The following SULT2B1 variants were observed in gnomAD, a reference collection of about 807,000 sequenced individuals.
SULT2B1 encodes sulfotransferase 2B1.
SULT2B1 carries 16 observed loss-of-function variants against 33.2 expected under a neutral mutation model. The observed-to-expected ratio is 0.48, with a 90% CI of 0.33 to 0.73. SULT2B1 has a LOEUF of 0.73. Among genes scored for constraint, SULT2B1 ranks in the 30% least tolerant of loss-of-function variants. The pLI, the probability that SULT2B1 is intolerant of heterozygous loss-of-function variation, is 0.02. For synonymous variants in SULT2B1, 186 were observed against 200.5 expected (o/e 0.93, Z 0.61); for missense variants, 500 against 506.0 (o/e 0.99, Z 0.11).
Position 48,568,514 on chromosome 19 carries a change from C to T in SULT2B1, c.72-7427C>T, listed in dbSNP as rs192191912. Among the ~76,000 whole-genome samples the T allele has an allele frequency of 4.1e-3, 626 of 152,176 alleles. 12 individuals carry two copies. The highest frequency in any genetic ancestry group is 0.028 in the Admixed American group (431 of 15,252). On this transcript the variant is annotated intron_variant, in intron 1 of 6. Coordinates refer to ENST00000201586, the MANE Select transcript of SULT2B1 (RefSeq NM_177973.2). ...CACTCCTGCCAAGAGAGTATCTCTG[C>T]GCCACGGCCAAGGGTGAGTCATCCT...
rs1194058684 is a variant in SULT2B1, at chr19:48,576,356, TC to T, written c.214+274del. Among the ~76,000 whole-genome samples the T allele has an allele frequency of 5.2e-4, 37 of 70,852 alleles. 4 individuals are homozygous for T. Among genetic ancestry groups the T allele is most frequent in the East Asian group, 1.5e-3 (4 of 2,682 alleles). 46.5% of individuals were successfully genotyped at this position (70,852 alleles called of 152,430 possible). A position where few individuals can be genotyped will look rare whatever the true frequency, so the allele number is the denominator to read the frequency against. ...CTCCCTTTCCCCTTTACCCTCTACTTCTCTTTTTTTTTTTTTTTTTTGTAGA... is the reference window on the plus strand; with the variant it reads ...CTCCCTTTCCCCTTTACCCTCTACTTTCTTTTTTTTTTTTTTTTTTGTAGA... On this transcript the variant is annotated intron_variant, in intron 2 of 6. Transcript: ENST00000201586.
At chr19:48,553,360 T>C (rs1973052527) in intron 1 of SULT2B1, among the ~76,000 whole-genome samples, 1 of 152,092 alleles carries the variant, frequency 6.6e-6, no homozygotes, top group African/African-American at 2.4e-5. Flanking sequence ...CAGGCTGGAG[T>C]GCAATGGCAC....
chr19:48,579,557 C>CAGGCACGA (rs1973456996), intron 2 of SULT2B1, among the ~76,000 whole-genome samples: 1 of 150,952 alleles, frequency 6.6e-6, no homozygotes, highest in African/African-American at 2.4e-5. Flanking sequence ...GCTGGGATTA[C>CAGGCACGA]AGGCACGAGC....
At chr19:48,553,013 C>G (rs777056810) in intron 1 of SULT2B1, among the ~76,000 whole-genome samples, 23 of 152,120 alleles carry the variant, frequency 1.5e-4, no homozygotes, top group Admixed American at 9.2e-4. Flanking sequence ...AATCTGAACC[C>G]GGTCTGTCTC....
intron 1 of SULT2B1, among the ~76,000 whole-genome samples, chr19:48,572,598 A>T (rs578133821): frequency 6.6e-6 from 1 of 152,220 alleles, no homozygotes; most frequent in South Asian, 2.1e-4. Flanking sequence ...AGAGTGGAAA[A>T]TGGGCGTGCC....
At chr19:48,578,982 C>G (rs904654701) in intron 2 of SULT2B1, among the ~76,000 whole-genome samples, 1 of 152,072 alleles carries the variant, frequency 6.6e-6, no homozygotes, top group Admixed American at 6.6e-5. Flanking sequence ...CCCCTCCCCC[C>G]TGGGCCCTGG....
chr19:48,559,297 G>A (rs1973144739), intron 1 of SULT2B1, among the ~76,000 whole-genome samples: 1 of 152,134 alleles, frequency 6.6e-6, no homozygotes, highest in Non-Finnish European at 1.5e-5. Flanking sequence ...GACTGGCAGA[G>A]GAAAGGTTGG....
Position 48,587,457 on chromosome 19 carries a change from G to A in SULT2B1, c.423+20G>A. On this transcript the variant is annotated intron_variant, in intron 3 of 6. Transcript: ENST00000201586. ...GCCAAGGTTGGGAGGAGGGGTGTGT[G>A]TCAGTTGGGAGGGGCTGCATGGGTG... is the stretch of plus-strand genomic sequence containing the variant. 1 of 1,613,868 alleles carries A rather than the reference G, an allele frequency of 6.2e-7. No individual in the cohort carries two copies. The highest frequency in any genetic ancestry group is 8.5e-7 in the Non-Finnish European group (1 of 1,179,790).
intron 6 of SULT2B1, 135 bp from the exon 7 acceptor site, chr19:48,599,000 A>C: frequency 1.4e-6 from 2 of 1,428,772 alleles, no homozygotes; most frequent in Non-Finnish European, 1.9e-6. Flanking sequence ...TGTGGAGGGT[A>C]GGGAGGACGG....
intron 2 of SULT2B1, among the ~76,000 whole-genome samples, chr19:48,578,312 T>C (rs1973441027): frequency 6.6e-6 from 1 of 152,134 alleles, no homozygotes; most frequent in African/African-American, 2.4e-5. Context: ...CCGAGCACAG[T>C]GGCTCACACC....
At chr19:48,585,684 TG>T (rs1973551698) in intron 2 of SULT2B1, among the ~76,000 whole-genome samples, 1 of 145,396 alleles carries the variant, frequency 6.9e-6, no homozygotes, top group African/African-American at 2.6e-5. Context: ...AGAAAAAAAG[TG>T]GGGGTAGGGG....
chr19:48,591,408 T>G, intron 3 of SULT2B1: 1 of 435,654 alleles, frequency 2.3e-6, no homozygotes, highest in Non-Finnish European at 4.0e-6. Context: ...GAGGCAGAGG[T>G]TGCAATGAGC....
intron 2 of SULT2B1, among the ~76,000 whole-genome samples, chr19:48,584,343 G>C (rs1182926321): frequency 2.0e-5 from 3 of 152,274 alleles, no homozygotes; most frequent in South Asian, 4.1e-4. Flanking sequence ...AGGGGGAGGG[G>C]TAAACGTCAC....
At position 48,587,394 on chromosome 19, in the gene SULT2B1, C is replaced by T. The variant is rs1973578639; in HGVS notation, c.380C>T (p.Pro127Leu). The T allele has an allele frequency of 6.2e-7, 1 of 1,613,974 alleles. No individual in the cohort carries two copies. The highest frequency in any genetic ancestry group is 1.7e-5 in the Admixed American group (1 of 59,966). Reference protein sequence around the residue: ...YSPRLMSSHLPIQIFTKAFFS... With the variant: ...YSPRLMSSHLLIQIFTKAFFS... ...CCCCGCCTCATGAGCTCCCATCTTC[C>T]CATCCAGATCTTCACCAAGGCCTTC... The change falls in exon 3 of 7, where the codon CCC (proline) becomes CTC (leucine). Residue 127 changes from proline to leucine, a missense_variant. Physicochemically the swap from Pro to Leu is moderately conservative, Grantham distance 98. Coordinates refer to ENST00000201586, the MANE Select transcript of SULT2B1 (RefSeq NM_177973.2).
At position 48,560,143 on chromosome 19, in the gene SULT2B1, C is replaced by T. The variant is rs574185807; in HGVS notation, c.71+7820C>T. Reference sequence around the variant, plus strand: ...GGGCCTGACCTGGGCTCGCAGCTGACTCAGCATTTGTGCTGTTTCTCTCTT... The same window carrying T: ...GGGCCTGACCTGGGCTCGCAGCTGATTCAGCATTTGTGCTGTTTCTCTCTT... On this transcript the variant is annotated intron_variant, in intron 1 of 6. Transcript: ENST00000201586. Among the ~76,000 whole-genome samples, 7 of 152,222 alleles carry T rather than the reference C, an allele frequency of 4.6e-5. No individual in the cohort carries two copies. In the South Asian group the frequency reaches 1.5e-3, roughly 32 times the overall value.
chr19:48,569,297 G>T (rs1268586814), intron 1 of SULT2B1, among the ~76,000 whole-genome samples: 1 of 146,606 alleles, frequency 6.8e-6, no homozygotes, highest in Admixed American at 7.2e-5. Flanking sequence ...AGCCAAGATC[G>T]CGCCACTGCA....
At position 48,576,354 on chromosome 19, in the gene SULT2B1, C is replaced by CTTTTTTTTTTTTTTTTTTTTTTTTT. The variant is rs879507532; in HGVS notation, c.214+273_214+274insTTTTTTTTTTTTTTTTTTTTTTTTT. Among the ~76,000 whole-genome samples the CTTTTTTTTTTTTTTTTTTTTTTTTT allele has an allele frequency of 2.4e-4, 19 of 79,906 alleles. 2 individuals carry two copies. Among genetic ancestry groups the CTTTTTTTTTTTTTTTTTTTTTTTTT allele is most frequent in the African/African-American group, 3.3e-4 (6 of 18,246 alleles). The allele number at this position is 79,906 out of a possible 152,430, so 52.4% of individuals were successfully genotyped here. A position where few individuals can be genotyped will look rare whatever the true frequency, so the allele number is the denominator to read the frequency against. On this transcript the variant is annotated intron_variant, in intron 2 of 6. Transcript: ENST00000201586. ...TCCTCCCTTTCCCCTTTACCCTCTA[C>CTTTTTTTTTTTTTTTTTTTTTTTTT]TTCTCTTTTTTTTTTTTTTTTTTGT...
chr19:48,578,747 C>T (rs904810507), intron 2 of SULT2B1, among the ~76,000 whole-genome samples: 9 of 151,628 alleles, frequency 5.9e-5, no homozygotes, highest in South Asian at 2.1e-4. Context: ...CGTGGTGGTG[C>T]GTGCCTGTAA....
intron 2 of SULT2B1, among the ~76,000 whole-genome samples, chr19:48,579,288 T>G (rs1324073139): frequency 8.6e-5 from 13 of 151,160 alleles, no homozygotes; most frequent in Non-Finnish European, 1.9e-4. Context: ...AAGTTCTTTT[T>G]TTTTTTTTTT....
Sources: allele counts gnomAD v4.1 joint callset (sites outside exome capture counted in the v4.1 genomes callset), GRCh38; gene constraint gnomAD v4.1.1; transcripts MANE v1.5; gene names NCBI Gene and HGNC (gene_info 2026-07-23, HGNC 2026-07-21).